The following RNGTT variants were observed in gnomAD, a reference collection of about 807,000 sequenced individuals.
The protein encoded by RNGTT is RNA guanylyltransferase and 5'-phosphatase.
RNGTT carries 33 observed loss-of-function variants against 79.3 expected under a neutral mutation model. The ratio of observed to expected loss-of-function variants is 0.42; its 90% CI spans 0.32 to 0.56. RNGTT has a LOEUF of 0.56. Ranked by LOEUF, RNGTT falls within the 20% of genes least tolerant of loss-of-function variation. The pLI is 0.17. For synonymous variants in RNGTT, 222 were observed against 235.9 expected (o/e 0.94, Z 0.54); for missense variants, 497 against 739.1 (o/e 0.67, Z 3.80).
intron 13 of RNGTT, among the ~76,000 whole-genome samples, chr6:88,755,036 T>C (rs1463477200): frequency 1.3e-5 from 2 of 152,274 alleles, no homozygotes; most frequent in African/African-American, 2.4e-5. Flanking sequence ...CTAGCGCCAC[T>C]GGGTTGGGGT....
In RNGTT at chr6:88,802,283, T is replaced by C. The variant is rs1016903188; in HGVS notation, c.1270-651A>G. 2.0e-5 allele frequency among the ~76,000 whole-genome samples: 3 copies of C among 152,146 alleles called. No individual in the cohort carries two copies. The East Asian group carries it at 5.8e-4, about 29-fold the overall frequency. ...AATCTTACTTTGGGGTTTTTTTGTG[T>C]CTTTTTTATATTTTTCCAAGCAGAG... On this transcript the variant is annotated intron_variant, in intron 11 of 15. Transcript: ENST00000369485.
Position 88,781,725 on chromosome 6 carries a change from A to G in RNGTT, c.1339-11851T>C, listed in dbSNP as rs542115078. Among the ~76,000 whole-genome samples the G allele has an allele frequency of 9.9e-5, 15 of 152,262 alleles. No homozygotes were observed. In the East Asian group the frequency reaches 1.5e-3, roughly 16 times the overall value. On this transcript the variant is annotated intron_variant, in intron 12 of 15. Coordinates refer to ENST00000369485, the MANE Select transcript of RNGTT (RefSeq NM_003800.5). ...TACCCTAAAGGCAGCCTAAAGTTTT[A>G]AATCTAAAACTGAATCATTTATATT...
In RNGTT at chr6:88,928,674, C is replaced by CT. The variant is rs11409383; in HGVS notation, c.367+310_367+311insA. On this transcript the variant is annotated intron_variant, in intron 4 of 15. Transcript: ENST00000369485. ...TCCTGAATAAAAAAGAATGAAGTTTCAGAATAATATAGTATAAAATGTAAA... is the reference window on the plus strand; with the variant it reads ...TCCTGAATAAAAAAGAATGAAGTTTCTAGAATAATATAGTATAAAATGTAAA... Among the ~76,000 whole-genome samples, 1,177 of 152,022 alleles carry CT rather than the reference C, an allele frequency of 7.7e-3. 8 individuals carry two copies. The highest frequency in any genetic ancestry group is 0.026 in the African/African-American group (1,088 of 41,462).
intron 14 of RNGTT, among the ~76,000 whole-genome samples, chr6:88,669,954 A>G (rs1396934022): frequency 6.6e-6 from 1 of 152,218 alleles, no homozygotes; most frequent in African/African-American, 2.4e-5. Flanking sequence ...GCTCAACTGG[A>G]TTATATGGTT....
intron 1 of RNGTT, among the ~76,000 whole-genome samples, chr6:88,953,059 G>A (rs1228975431): frequency 6.6e-6 from 1 of 152,090 alleles, no homozygotes; most frequent in African/African-American, 2.4e-5. Context: ...TGATAAAACA[G>A]GGTTCTATAA....
intron 14 of RNGTT, among the ~76,000 whole-genome samples, chr6:88,634,526 G>C (rs1773022154): frequency 6.6e-6 from 1 of 152,126 alleles, no homozygotes; most frequent in South Asian, 2.1e-4. Context: ...AAAGGCTACA[G>C]ACAGAGAAAA....
At chr6:88,811,828 T>C (rs1267345023) in intron 11 of RNGTT, among the ~76,000 whole-genome samples, 2 of 152,166 alleles carry the variant, frequency 1.3e-5, no homozygotes, top group African/African-American at 4.8e-5. Context: ...CCTCAACTCA[T>C]TGCCTGAGAA....
intron 11 of RNGTT, among the ~76,000 whole-genome samples, chr6:88,824,188 G>A (rs1340256604): frequency 1.3e-5 from 2 of 152,138 alleles, no homozygotes; most frequent in African/African-American, 4.8e-5. Flanking sequence ...TTCTGTCATT[G>A]TGTAAACATC....
At chr6:88,705,655 TG>T (rs1160480842) in intron 13 of RNGTT, among the ~76,000 whole-genome samples, 8 of 152,160 alleles carry the variant, frequency 5.3e-5, no homozygotes, top group Non-Finnish European at 4.4e-5. Flanking sequence ...TTAAATGCTG[TG>T]GTATTACATC....
At chr6:88,826,512 G>T (rs747458391) in intron 11 of RNGTT, among the ~76,000 whole-genome samples, 4 of 152,072 alleles carry the variant, frequency 2.6e-5, no homozygotes, top group Admixed American at 2.0e-4. Context: ...GGCCAGGTGC[G>T]GTGGCTTACA....
chr6:88,809,525 A>G (rs1780066835), intron 11 of RNGTT, among the ~76,000 whole-genome samples: 1 of 152,220 alleles, frequency 6.6e-6, no homozygotes, highest in South Asian at 2.1e-4. Flanking sequence ...TTCAAAGTAT[A>G]TTCTCTGATC....
Position 88,801,575 on chromosome 6 carries a change from GA to G in RNGTT, c.1326del (p.Gln443SerfsTer15). 6.2e-7 allele frequency: 1 copy of G among 1,610,132 alleles called. No homozygotes were observed. The highest frequency in any genetic ancestry group is 8.5e-7 in the Non-Finnish European group (1 of 1,178,138). On this transcript the variant is annotated frameshift_variant, in exon 12 of 16. Transcript: ENST00000369485. LOFTEE classifies it high-confidence loss of function. ...EVSHEMDGLI[F>X]QPTGKYKPGR... ...ACAAATGAACTTACTCCAGTAGGCT[GA>G]AAAATAAGTCCATCCATTTCATGGC...
chr6:88,707,654 C>G (rs1403588508), intron 13 of RNGTT, among the ~76,000 whole-genome samples: 1 of 149,936 alleles, frequency 6.7e-6, no homozygotes, highest in East Asian at 2.0e-4. Context: ...GAATGCCACA[C>G]ACTATGCATA....
intron 13 of RNGTT, among the ~76,000 whole-genome samples, chr6:88,704,050 G>C (rs1249990985): frequency 6.6e-6 from 1 of 151,690 alleles, no homozygotes; most frequent in African/African-American, 2.4e-5. Flanking sequence ...ACGAGGTCAG[G>C]AGATCAAGAC....
At position 88,901,495 on chromosome 6, in the gene RNGTT, C is replaced by CTTTTTTTTTTT. The variant is rs71024314; in HGVS notation, c.684+3209_684+3219dup. 8.7e-4 allele frequency among the ~76,000 whole-genome samples: 57 copies of CTTTTTTTTTTT among 65,810 alleles called. 10 individuals are homozygous for CTTTTTTTTTTT. Among genetic ancestry groups the CTTTTTTTTTTT allele is most frequent in the African/African-American group, 2.3e-3 (33 of 14,058 alleles). 43.2% of individuals were successfully genotyped at this position (65,810 alleles called of 152,430 possible). A position where few individuals can be genotyped will look rare whatever the true frequency, so the allele number is the denominator to read the frequency against. Reference sequence around the variant, plus strand: ...AAAAATAACTGTCAAGCACCCTGATCTTTTTTTTTTTTTTTTTTTTTTTTT... The same window carrying CTTTTTTTTTTT: ...AAAAATAACTGTCAAGCACCCTGATCTTTTTTTTTTTTTTTTTTTTTTTTTTTTTTTTTTTT... On this transcript the variant is annotated intron_variant, in intron 6 of 15. Coordinates refer to ENST00000369485, the MANE Select transcript of RNGTT (RefSeq NM_003800.5).
chr6:88,677,664 T>C (rs535936381), intron 14 of RNGTT, among the ~76,000 whole-genome samples: 3 of 152,172 alleles, frequency 2.0e-5, no homozygotes, highest in East Asian at 1.9e-4. Flanking sequence ...GGTTTCACTA[T>C]GTTGCCCAGG....
At chr6:88,661,806 A>C (rs921174051) in intron 14 of RNGTT, among the ~76,000 whole-genome samples, 3 of 152,198 alleles carry the variant, frequency 2.0e-5, no homozygotes, top group African/African-American at 7.2e-5. Flanking sequence ...ATCCTCCCTA[A>C]ATCATTCCCT....
chr6:88,916,388 G>C (rs146990362), intron 4 of RNGTT, among the ~76,000 whole-genome samples: 4 of 152,268 alleles, frequency 2.6e-5, no homozygotes, highest in Admixed American at 2.0e-4. Flanking sequence ...GGAGAGGATC[G>C]CTTGAGTCCA....
chr6:88,898,942 TAA>T (rs920283153), intron 6 of RNGTT, among the ~76,000 whole-genome samples: 1 of 151,524 alleles, frequency 6.6e-6, no homozygotes, highest in Non-Finnish European at 1.5e-5. Context: ...AAAATTATTC[TAA>T]AAAGACAACA....
Sources: allele counts gnomAD v4.1 joint callset (sites outside exome capture counted in the v4.1 genomes callset), GRCh38; gene constraint gnomAD v4.1.1; transcripts MANE v1.5; gene names NCBI Gene and HGNC (gene_info 2026-07-23, HGNC 2026-07-21).